CDC42: variants seen among roughly 807,000 people sequenced by gnomAD.
The protein encoded by CDC42 is cell division control protein 42 homolog.
A neutral mutation model predicts 20.8 loss-of-function variants in CDC42; 1 was observed. The observed-to-expected ratio is 0.05, with a 90% CI of 0.02 to 0.23. The LOEUF is 0.23. Among genes scored for constraint, CDC42 ranks in the 10% least tolerant of loss-of-function variants. The probability of loss-of-function intolerance (pLI) is 1.00; values close to 1 mark genes in which losing one functional copy is unlikely to be tolerated. For missense variants in CDC42, 49 were observed against 227.9 expected (o/e 0.21, Z 5.05); for synonymous variants, 72 against 84.8 (o/e 0.85, Z 0.83).
intron 1 of CDC42, among the ~76,000 whole-genome samples, chr1:22,054,835 T>A (rs1371787313): frequency 6.8e-6 from 1 of 147,548 alleles, no homozygotes; most frequent in Admixed American, 6.8e-5. Context: ...TTAATAATTT[T>A]AAATAATATC....
chr1:22,054,921 ATTTTTTTTTTTTTTTTTTTTTTTTTTTT>A lies in CDC42; in HGVS notation c.-51+2202_-51+2229del, dbSNP rs1180547322. Among the ~76,000 whole-genome samples the A allele has an allele frequency of 2.7e-3, 52 of 19,384 alleles. 1 individual carries two copies. Among genetic ancestry groups the A allele is most frequent in the East Asian group, 0.011 (5 of 442 alleles). The allele number at this position is 19,384 out of a possible 152,430, so 12.7% of individuals were successfully genotyped here. On this transcript the variant is annotated intron_variant, in intron 1 of 5. Coordinates refer to ENST00000656825, the MANE Select transcript of CDC42 (RefSeq NM_001791.4). ...TATATATATATATATATATATATAT[ATTTTTTTTTTTTTTTTTTTTTTTTTTTT>A]TTTTTTTTTTTTTTTTTTTTTTGAG... is the stretch of plus-strand genomic sequence containing the variant.
chr1:22,065,595 G>A (rs1645413899), intron 1 of CDC42, among the ~76,000 whole-genome samples: 1 of 152,162 alleles, frequency 6.6e-6, no homozygotes, highest in Non-Finnish European at 1.5e-5. Context: ...GTGTGTACCA[G>A]TTGCTTTATA....
chr1:22,070,760 G>C (rs1335744228), intron 1 of CDC42, among the ~76,000 whole-genome samples: 2 of 151,912 alleles, frequency 1.3e-5, no homozygotes, highest in South Asian at 2.1e-4. Flanking sequence ...CACCACGCCT[G>C]GCCTTCTTTG....
At position 22,097,678 on chromosome 1, in the gene CDC42, A is replaced by G. The variant is rs1177802797; in HGVS notation, c.*6161A>G. Among the ~76,000 whole-genome samples, 1 of 152,216 alleles carries G rather than the reference A, an allele frequency of 6.6e-6. No individual in the cohort carries two copies. The highest frequency in any genetic ancestry group is 1.5e-5 in the Non-Finnish European group (1 of 68,032). ...AATTTGTGCATTAGAACTAGCTTGG[A>G]ACAGAATGGGTAAACTTCTGTGAAG... On this transcript the variant is annotated 3_prime_UTR_variant, in exon 6 of 6. Coordinates refer to ENST00000656825, the MANE Select transcript of CDC42 (RefSeq NM_001791.4).
chr1:22,056,246 A>G (rs12729825), intron 1 of CDC42, among the ~76,000 whole-genome samples: 18,919 of 152,170 alleles, frequency 0.12, 1,297 homozygotes, highest in Admixed American at 0.18. Context: ...GTGTTTCCTG[A>G]GACAGCTTTT....
At chr1:22,058,309 T>G (rs1645325846) in intron 1 of CDC42, among the ~76,000 whole-genome samples, 1 of 152,208 alleles carries the variant, frequency 6.6e-6, no homozygotes. Context: ...CATTTTATTT[T>G]CCTATGGAAG....
chr1:22,089,192 C>G (rs1349697496), intron 5 of CDC42, among the ~76,000 whole-genome samples: 2 of 152,168 alleles, frequency 1.3e-5, no homozygotes, highest in South Asian at 2.1e-4. Context: ...TAAGTACCAC[C>G]AATGCTGAGT....
chr1:22,082,842 C>G (rs1024564460), intron 3 of CDC42, among the ~76,000 whole-genome samples: 13 of 149,232 alleles, frequency 8.7e-5, no homozygotes, highest in Admixed American at 6.0e-4. Flanking sequence ...GGGTTTTCTT[C>G]TGTGTTCATT....
At chr1:22,063,639 G>A (rs1204769798) in intron 1 of CDC42, among the ~76,000 whole-genome samples, 3 of 152,096 alleles carry the variant, frequency 2.0e-5, no homozygotes, top group Non-Finnish European at 4.4e-5. Context: ...AATTTCTTTT[G>A]CGCTTTTTTC....
intron 5 of CDC42, chr1:22,090,034 C>G: frequency 6.2e-7 from 1 of 1,613,732 alleles, no homozygotes; most frequent in Non-Finnish European, 8.5e-7. Context: ...ATATTCTAAA[C>G]TGTTTTCTCC....
chr1:22,087,098 G>A (rs1396940734), intron 5 of CDC42, among the ~76,000 whole-genome samples: 3 of 152,024 alleles, frequency 2.0e-5, no homozygotes, highest in Non-Finnish European at 4.4e-5. Context: ...TGAATGATTC[G>A]TAGTGGTCAG....
rs1645715972 is a variant in CDC42 at position 22,091,636 on chromosome 1, C to T, written c.*119C>T. Reference sequence around the variant, plus strand: ...TTTTGCAATAATGACAAATGCCCTGCACCTACCCACATGCACTCGTGTGAG... The same window carrying T: ...TTTTGCAATAATGACAAATGCCCTGTACCTACCCACATGCACTCGTGTGAG... On this transcript the variant is annotated 3_prime_UTR_variant, in exon 6 of 6. Transcript: ENST00000656825. The T allele has an allele frequency of 1.4e-5, 9 of 626,792 alleles. No individual in the cohort carries two copies. The East Asian group carries it at 2.0e-4, about 14-fold the overall frequency. 38.8% of individuals were successfully genotyped at this position (626,792 alleles called of 1,614,324 possible).
Position 22,095,310 on chromosome 1 carries a change from C to T in CDC42, c.*3793C>T, listed in dbSNP as rs1425932382. Among the ~76,000 whole-genome samples, 1 of 152,070 alleles carries T rather than the reference C, an allele frequency of 6.6e-6. No homozygotes were observed. Among genetic ancestry groups the T allele is most frequent in the Non-Finnish European group, 1.5e-5 (1 of 68,016 alleles). ...TTTGAGATGGAGTCTCGTTCTGTCG[C>T]CCAGGCTGGAGTGCAGTGGTGCAAT... is the stretch of plus-strand genomic sequence containing the variant. On this transcript the variant is annotated 3_prime_UTR_variant, in exon 6 of 6. Coordinates refer to ENST00000656825, the MANE Select transcript of CDC42 (RefSeq NM_001791.4).
chr1:22,069,909 TC>T (rs1242853230), intron 1 of CDC42, among the ~76,000 whole-genome samples: 1 of 152,124 alleles, frequency 6.6e-6, no homozygotes, highest in African/African-American at 2.4e-5. Context: ...ATCTTCAGCC[TC>T]CCAAGTAGCT....
intron 5 of CDC42, among the ~76,000 whole-genome samples, chr1:22,089,182 T>C (rs1335543883): frequency 1.3e-5 from 2 of 152,236 alleles, no homozygotes; most frequent in African/African-American, 4.8e-5. Flanking sequence ...ACCTGGGTCC[T>C]AAGTACCACC....
At chr1:22,070,789 A>G (rs1277610721) in intron 1 of CDC42, among the ~76,000 whole-genome samples, 6 of 150,966 alleles carry the variant, frequency 4.0e-5, no homozygotes, top group Admixed American at 2.6e-4. Flanking sequence ...TAAAAGTTGT[A>G]AGTTGCTAGC....
intron 1 of CDC42, among the ~76,000 whole-genome samples, chr1:22,069,901 C>G (rs1336711439): frequency 6.6e-6 from 1 of 152,120 alleles, no homozygotes; most frequent in African/African-American, 2.4e-5. Context: ...CTCGGATGAT[C>G]TTCAGCCTCC....
At chr1:22,081,841 T>G (rs754833753) in intron 3 of CDC42, 47 bp downstream of exon 3, 1 of 1,200,850 alleles carries the variant, frequency 8.3e-7, no homozygotes, top group East Asian at 2.3e-5. Flanking sequence ...TAACAGTTGC[T>G]AGTTGTCTGT....
intron 1 of CDC42, among the ~76,000 whole-genome samples, chr1:22,056,290 T>C (rs1158924036): frequency 6.6e-6 from 1 of 152,236 alleles, no homozygotes; most frequent in Non-Finnish European, 1.5e-5. Flanking sequence ...TTTGGGCTCA[T>C]TGAAGTAGTG....
Sources: allele counts gnomAD v4.1 joint callset (sites outside exome capture counted in the v4.1 genomes callset), GRCh38; gene constraint gnomAD v4.1.1; transcripts MANE v1.5; gene names NCBI Gene and HGNC (gene_info 2026-07-23, HGNC 2026-07-21).